The following SDK1 variants were observed in gnomAD, a reference collection of about 807,000 sequenced individuals.
The protein encoded by SDK1 is protein sidekick-1.
SDK1 carries 157 observed loss-of-function variants against 245.5 expected under a neutral mutation model. That is an observed-to-expected ratio of 0.64 (90% CI 0.56 to 0.73). The LOEUF (loss-of-function observed/expected upper bound fraction) is 0.73. Among genes scored for constraint, SDK1 ranks in the 30% least tolerant of loss-of-function variants. The pLI, the probability that SDK1 is intolerant of heterozygous loss-of-function variation, is 0.00. For synonymous variants in SDK1, 1,647 were observed against 1,278.5 expected, an observed-to-expected ratio of 1.29 and a Z score of -6.15; for missense variants, 3,583 against 3,002.3, an observed-to-expected ratio of 1.19 and a Z score of -4.52.
chr7:3,449,102 A>C (rs947920452), intron 1 of SDK1, among the ~76,000 whole-genome samples: 1 of 152,206 alleles, frequency 6.6e-6, no homozygotes, highest in Non-Finnish European at 1.5e-5. Context: ...CTTTTCACAT[A>C]CAGAGAAATT....
At chr7:4,054,289 A>T (rs955453033) in intron 19 of SDK1, among the ~76,000 whole-genome samples, 7 of 152,198 alleles carry the variant, frequency 4.6e-5, no homozygotes, top group Non-Finnish European at 1.0e-4. Context: ...ATATGCAATT[A>T]TATGAAATAA....
chr7:4,245,923 G>C, intron 44 of SDK1, 118 bp downstream of exon 44: 1 of 1,263,070 alleles, frequency 7.9e-7, no homozygotes, highest in Non-Finnish European at 1.1e-6. Context: ...CACAGGCAGA[G>C]CCAAGGACAA....
intron 1 of SDK1, among the ~76,000 whole-genome samples, chr7:3,361,306 T>C (rs1401906879): frequency 6.6e-6 from 1 of 152,194 alleles, no homozygotes; most frequent in Non-Finnish European, 1.5e-5. Flanking sequence ...TAGTCGTAAA[T>C]TTTTAAACAC....
chr7:4,132,862 C>T (rs941107859), intron 28 of SDK1, among the ~76,000 whole-genome samples: 1 of 152,166 alleles, frequency 6.6e-6, no homozygotes, highest in Non-Finnish European at 1.5e-5. Flanking sequence ...TTTCCTGAAC[C>T]GAGATGATCA....
intron 1 of SDK1, among the ~76,000 whole-genome samples, chr7:3,507,895 T>A (rs1211491371): frequency 6.6e-6 from 1 of 152,332 alleles, no homozygotes; most frequent in South Asian, 2.1e-4. Flanking sequence ...TATTCACAAG[T>A]GTTATTGATG....
At chr7:3,400,877 C>G (rs1015025086) in intron 1 of SDK1, among the ~76,000 whole-genome samples, 13 of 152,126 alleles carry the variant, frequency 8.5e-5, no homozygotes, top group African/African-American at 3.1e-4. Context: ...GCCATTCTTA[C>G]GGCCAGAGGA....
chr7:4,053,021 A>G (rs1778973572), intron 19 of SDK1, among the ~76,000 whole-genome samples: 1 of 144,054 alleles, frequency 6.9e-6, no homozygotes, highest in Non-Finnish European at 1.5e-5. Context: ...CAGGAGGCAG[A>G]GGTTGCAGTG....
chr7:3,321,784 CCTTCCTTCCT>C (rs1779816309), intron 1 of SDK1, among the ~76,000 whole-genome samples: 1 of 68,532 alleles, frequency 1.5e-5, no homozygotes, highest in African/African-American at 7.3e-5. Context: ...CCTTCTCCTT[CCTTCCTTCCT>C]TCCTTCCTTC....
chr7:3,872,226 C>G (rs6968272), intron 5 of SDK1, among the ~76,000 whole-genome samples: 40,831 of 151,944 alleles, frequency 0.27, 6,813 homozygotes, highest in African/African-American at 0.48. Context: ...TTTATATTCT[C>G]TATTCATGAG....
rs147167720 is a variant in SDK1 at position 3,905,944 on chromosome 7, C to G, written c.848-44979C>G. 8.5e-3 allele frequency among the ~76,000 whole-genome samples: 1,293 copies of G among 152,234 alleles called. 9 individuals are homozygous for G. The highest frequency in any genetic ancestry group is 0.024 in the Middle Eastern group (7 of 294). On this transcript the variant is annotated intron_variant, in intron 5 of 44. Transcript: ENST00000404826. ...TGGCCTCAGTTTCAAAATTCTTAGC[C>G]TTATTTTTTCTGAATATTTCTTTTT...
chr7:3,561,717 G>C (rs1314152875), intron 1 of SDK1, among the ~76,000 whole-genome samples: 5 of 152,116 alleles, frequency 3.3e-5, no homozygotes, highest in Admixed American at 1.3e-4. Flanking sequence ...GAAGCTGCAG[G>C]AGATATTATT....
chr7:4,146,784 C>G (rs1780014027), intron 29 of SDK1, among the ~76,000 whole-genome samples: 2 of 152,234 alleles, frequency 1.3e-5, no homozygotes, highest in Admixed American at 6.5e-5. Flanking sequence ...GCTCCATGCA[C>G]TGCACTTGGC....
At chr7:3,451,936 TTC>T (rs1265699385) in intron 1 of SDK1, among the ~76,000 whole-genome samples, 1 of 152,312 alleles carries the variant, frequency 6.6e-6, no homozygotes, top group Admixed American at 6.5e-5. Context: ...GCACGCAGGC[TTC>T]TCTCCTTATG....
Position 3,301,890 on chromosome 7 carries a change from T to TGC in SDK1, c.298+12_298+13dup. 7 of 1,134,740 alleles carry TGC rather than the reference T, an allele frequency of 6.2e-6. No homozygotes were observed. Among genetic ancestry groups the TGC allele is most frequent in the Non-Finnish European group, 7.6e-6 (7 of 926,162 alleles). The allele number at this position is 1,134,740 out of a possible 1,614,324, so 70.3% of individuals were successfully genotyped here. A position where few individuals can be genotyped will look rare whatever the true frequency, so the allele number is the denominator to read the frequency against. On this transcript the variant is annotated splice_region_variant and intron_variant, in intron 1 of 44. Transcript: ENST00000404826. ...GCTCCGGGCGCTGGCGCAAGGTAGG[T>TGC]GCGCGCGGGGTCGCGGGCCGGGGGC...
At chr7:3,929,147 C>A (rs1465051497) in intron 5 of SDK1, among the ~76,000 whole-genome samples, 2 of 152,222 alleles carry the variant, frequency 1.3e-5, no homozygotes, top group African/African-American at 2.4e-5. Flanking sequence ...ATGCATTTGT[C>A]CTTGCCCTTG....
intron 44 of SDK1, among the ~76,000 whole-genome samples, chr7:4,248,346 G>GCACACACATGCA (rs1389430733): frequency 4.3e-5 from 4 of 92,852 alleles, no homozygotes; most frequent in Non-Finnish European, 1.1e-4. Flanking sequence ...CTGAATACAT[G>GCACACACATGCA]CACACACACG....
chr7:3,350,288 G>A (rs10951170), intron 1 of SDK1, among the ~76,000 whole-genome samples: 58,385 of 151,262 alleles, frequency 0.39, 11,451 homozygotes, highest in African/African-American at 0.46. Context: ...GTGTCTGTGT[G>A]GGCGTTATTT....
chr7:3,704,269 A>AT (rs1014563547), intron 4 of SDK1, among the ~76,000 whole-genome samples: 1 of 150,096 alleles, frequency 6.7e-6, no homozygotes, highest in African/African-American at 2.5e-5. Flanking sequence ...TATATATACC[A>AT]TTTTTTCTTT....
At chr7:3,991,764 G>A (rs1478740240) in intron 14 of SDK1, among the ~76,000 whole-genome samples, 1 of 152,198 alleles carries the variant, frequency 6.6e-6, no homozygotes, top group East Asian at 1.9e-4. Context: ...CTGTGTGAAG[G>A]AAGCCCGTGA....
Sources: allele counts gnomAD v4.1 joint callset (sites outside exome capture counted in the v4.1 genomes callset), GRCh38; gene constraint gnomAD v4.1.1; transcripts MANE v1.5; gene names NCBI Gene and HGNC (gene_info 2026-07-23, HGNC 2026-07-21).